Variants in BOC observed in about 807,000 individuals in gnomAD.
The protein encoded by BOC is brother of CDO.
In BOC, 76 loss-of-function variants were observed where a neutral mutation model predicts 112.0. The ratio of observed to expected loss-of-function variants is 0.68; its 90% CI spans 0.56 to 0.82. BOC has a LOEUF of 0.82. Among genes scored for constraint, BOC ranks in the 40% least tolerant of loss-of-function variants. The probability of loss-of-function intolerance (pLI) is 0.00; values close to 1 mark genes in which losing one functional copy is unlikely to be tolerated. For missense variants in BOC, 1,309 were observed against 1,511.7 expected, an observed-to-expected ratio of 0.87 and a Z score of 2.22; for synonymous variants, 580 against 599.8, an observed-to-expected ratio of 0.97 and a Z score of 0.48.
At position 113,280,570 on chromosome 3, in the gene BOC, A is replaced by C; in HGVS notation, c.2218A>C (p.Ser740Arg). Residue 740 changes from serine (S) to arginine (R), a missense_variant, in exon 14 of 20, where the codon AGT becomes CGT. Ser to Arg is a moderately radical substitution (Grantham distance 110). Coordinates refer to ENST00000682979, the MANE Select transcript of BOC (RefSeq NM_001378074.1). ...IMLKWMYIPA[S>R]NNNTPIHGFY... ...CCATTCCCTATAGTACATCCCAGCAAGTAACAACAACACCCCAATCCATGG... is the reference window on the plus strand; with the variant it reads ...CCATTCCCTATAGTACATCCCAGCACGTAACAACAACACCCCAATCCATGG... 1 of 1,608,720 alleles carries C rather than the reference A, an allele frequency of 6.2e-7. No individual in the cohort carries two copies. The highest frequency in any genetic ancestry group is 1.1e-5 in the South Asian group (1 of 90,962).
In BOC at chr3:113,272,579, C is replaced by T. The variant is rs771960802; in HGVS notation, c.837C>T (p.Phe279=). 1.2e-6 allele frequency: 2 copies of T among 1,614,100 alleles called. No homozygotes were observed. The highest frequency in any genetic ancestry group is 2.2e-5 in the South Asian group (2 of 91,072). Residue 279 remains phenylalanine (F), a synonymous_variant, in exon 7 of 20, where the codon TTC becomes TTT. Transcript: ENST00000682979. ...SSVTGYNKTR[F]LLSNLLIDTT... is the part of the protein sequence containing the mutation. ...TCACCGGCTACAACAAGACGCGCTTCCTGCTGAGCAACCTCCTCATCGACA... is the reference window on the plus strand; with the variant it reads ...TCACCGGCTACAACAAGACGCGCTTTCTGCTGAGCAACCTCCTCATCGACA...
intron 2 of BOC, among the ~76,000 whole-genome samples, chr3:113,238,387 C>G (rs895425690): frequency 2.0e-5 from 3 of 152,100 alleles, no homozygotes; most frequent in Non-Finnish European, 4.4e-5. Context: ...TCTCTTTTTT[C>G]TTTAACTGAA....
chr3:113,248,775 C>T (rs1233627215), intron 2 of BOC, among the ~76,000 whole-genome samples: 1 of 152,100 alleles, frequency 6.6e-6, no homozygotes. Context: ...CCTTCTGGAA[C>T]AGGAGATGCT....
intron 4 of BOC, among the ~76,000 whole-genome samples, chr3:113,257,730 CT>C (rs1412132448): frequency 6.6e-6 from 1 of 151,910 alleles, no homozygotes; most frequent in Non-Finnish European, 1.5e-5. Context: ...AACAATCTAC[CT>C]CTTTAATTTA....
At chr3:113,218,935 G>A (rs1940026724) in intron 2 of BOC, among the ~76,000 whole-genome samples, 1 of 152,212 alleles carries the variant, frequency 6.6e-6, no homozygotes, top group Admixed American at 6.5e-5. Context: ...GGAACAACAA[G>A]GTGGCTTTCT....
intron 2 of BOC, among the ~76,000 whole-genome samples, chr3:113,228,090 T>C (rs1310173733): frequency 6.6e-6 from 1 of 152,218 alleles, no homozygotes; most frequent in Non-Finnish European, 1.5e-5. Context: ...GTGCATCTCC[T>C]TTACCATATG....
At chr3:113,255,325 CCTT>C (rs1343433205) in intron 4 of BOC, among the ~76,000 whole-genome samples, 3 of 152,164 alleles carry the variant, frequency 2.0e-5, no homozygotes, top group African/African-American at 4.8e-5. Context: ...GCACTCCACT[CCTT>C]CTTACTGGAC....
Position 113,270,955 on chromosome 3 carries a change from G to A in BOC, c.667+11G>A. ...GGCTACGTGTGCGCCGTAAGGCCCGGGCCCACCTGCTGGGGGATGGGGGAT... is the reference window on the plus strand; with the variant it reads ...GGCTACGTGTGCGCCGTAAGGCCCGAGCCCACCTGCTGGGGGATGGGGGAT... On this transcript the variant is annotated intron_variant, in intron 6 of 19. Coordinates refer to ENST00000682979, the MANE Select transcript of BOC (RefSeq NM_001378074.1). 1 of 1,614,094 alleles carries A rather than the reference G, an allele frequency of 6.2e-7. No homozygotes were observed. Among genetic ancestry groups the A allele is most frequent in the Non-Finnish European group, 8.5e-7 (1 of 1,180,034 alleles).
At chr3:113,247,485 TC>T (rs1945064122) in intron 2 of BOC, among the ~76,000 whole-genome samples, 1 of 131,640 alleles carries the variant, frequency 7.6e-6, no homozygotes, top group African/African-American at 2.9e-5. Context: ...CCCACTGGTT[TC>T]AGAGCCCTGA....
chr3:113,219,758 A>G (rs1156764459), intron 2 of BOC, among the ~76,000 whole-genome samples: 5 of 152,218 alleles, frequency 3.3e-5, no homozygotes, highest in African/African-American at 7.2e-5. Flanking sequence ...CAGCCCCACA[A>G]GAGAAGCCAG....
intron 4 of BOC, among the ~76,000 whole-genome samples, chr3:113,261,455 C>A (rs902463609): frequency 6.6e-6 from 1 of 152,114 alleles, no homozygotes; most frequent in East Asian, 1.9e-4. Flanking sequence ...AAGAAACTCC[C>A]CAGTTCTGCT....
At chr3:113,264,194 T>C (rs1208035088) in intron 4 of BOC, among the ~76,000 whole-genome samples, 1 of 152,164 alleles carries the variant, frequency 6.6e-6, no homozygotes, top group Non-Finnish European at 1.5e-5. Flanking sequence ...TTCTGACCTG[T>C]TGGGAGCTGA....
At chr3:113,232,070 T>C (rs1042985855) in intron 2 of BOC, among the ~76,000 whole-genome samples, 4 of 152,188 alleles carry the variant, frequency 2.6e-5, no homozygotes, top group African/African-American at 9.7e-5. Context: ...TTGCAACTGG[T>C]GGAGCCTAAG....
chr3:113,224,829 C>A (rs186679604), intron 2 of BOC, among the ~76,000 whole-genome samples: 1 of 152,288 alleles, frequency 6.6e-6, no homozygotes, highest in South Asian at 2.1e-4. Flanking sequence ...CATGGTGGCT[C>A]ACGCCTGTAA....
chr3:113,218,504 A>G (rs1939927121), intron 2 of BOC, among the ~76,000 whole-genome samples: 1 of 152,178 alleles, frequency 6.6e-6, no homozygotes, highest in Non-Finnish European at 1.5e-5. Flanking sequence ...GCTGTGCCCA[A>G]GTGAGAGAGA....
Position 113,285,420 on chromosome 3 carries a change from C to G in BOC, c.3015C>G (p.Pro1005=). The G allele has an allele frequency of 1.9e-6, 3 of 1,613,812 alleles. No individual in the cohort carries two copies. The highest frequency in any genetic ancestry group is 2.5e-6 in the Non-Finnish European group (3 of 1,179,904). ...PDEGSFLYTL[P]DDSTHQLLQP... is the part of the protein sequence containing the mutation. ...AGGGCTCTTTCTTATACACACTGCC[C>G]GACGACTCCACTCACCAGCTGCTGC... Residue 1005 remains proline (P), a synonymous_variant, in exon 19 of 20, where the codon CCC becomes CCG. Transcript: ENST00000682979.
intron 9 of BOC, among the ~76,000 whole-genome samples, chr3:113,275,073 A>C (rs1948522462): frequency 6.6e-6 from 1 of 152,298 alleles, no homozygotes; most frequent in East Asian, 1.9e-4. Flanking sequence ...TTTTTATGAA[A>C]GTAAGCCGTG....
In BOC at chr3:113,283,618, C is replaced by G; in HGVS notation, c.2642C>G (p.Ala881Gly). ...VTFIPFCLWRAWSKQKHTTDL... is the reference protein window; with the variant it reads ...VTFIPFCLWRGWSKQKHTTDL... ...TTCATCCCCTTCTGCTTGTGGAGGG[C>G]CTGGTCTAAGCAAAGTGAGTGAGTG... The change falls in exon 16 of 20, where the codon GCC becomes GGC. Residue 881 changes from alanine to glycine, a missense_variant. Transcript: ENST00000682979. 6.2e-7 allele frequency: 1 copy of G among 1,613,510 alleles called. No individual in the cohort carries two copies. The highest frequency in any genetic ancestry group is 1.3e-5 in the African/African-American group (1 of 74,818).
Position 113,278,403 on chromosome 3 carries a change from G to C in BOC, c.1705+146G>C. On this transcript the variant is annotated intron_variant, in intron 10 of 19. Transcript: ENST00000682979. This position sits in a 1 kb window ranked among gnomAD's most constrained non-coding sequence, Gnocchi z 4.2. ...TCCAGCTACTGCCTCCTTGTGGTTT[G>C]TGTGCTAGGCTGAGGTCCCAGCTCT... 1 of 1,053,486 alleles carries C rather than the reference G, an allele frequency of 9.5e-7. No homozygotes were observed. The highest frequency in any genetic ancestry group is 1.4e-6 in the Non-Finnish European group (1 of 725,344). The allele number at this position is 1,053,486 out of a possible 1,614,324, so 65.3% of individuals were successfully genotyped here. A position where few individuals can be genotyped will look rare whatever the true frequency, so the allele number is the denominator to read the frequency against.
Sources: gnomAD v4.1 joint callset for allele counts (sites outside exome capture counted in the v4.1 genomes callset) on GRCh38, gnomAD v4.1.1 for gene constraint, Gnocchi (gnomAD v3.1) non-coding constraint, MANE v1.5 for transcripts, NCBI Gene and HGNC (gene_info 2026-07-23, HGNC 2026-07-21) for gene names.